Variants in IMPG1 observed in about 807,000 individuals in gnomAD.
IMPG1 encodes the protein interphotoreceptor matrix proteoglycan 1.
A neutral mutation model predicts 92.0 loss-of-function variants in IMPG1; 85 were observed. The observed-to-expected ratio is 0.92, with a 90% CI of 0.78 to 1.11. IMPG1 has a LOEUF of 1.11. Ranked by LOEUF, IMPG1 falls within the 50% of genes least tolerant of loss-of-function variation. The pLI, the probability that IMPG1 is intolerant of heterozygous loss-of-function variation, is 0.00. For missense variants in IMPG1, 1,022 were observed against 956.0 expected (o/e 1.07, Z -0.91); for synonymous variants, 367 against 334.1 (o/e 1.10, Z -1.08).
intron 14 of IMPG1, among the ~76,000 whole-genome samples, chr6:75,945,946 G>A (rs1781921110): frequency 6.6e-6 from 1 of 152,198 alleles, no homozygotes; most frequent in Non-Finnish European, 1.5e-5. Context: ...GGGTCCCTAA[G>A]TAAGCTGTCA....
rs150509687 is a variant in IMPG1, at chr6:76,025,098, A to G, written c.562+96T>C. 86 of 770,786 alleles carry G rather than the reference A, an allele frequency of 1.1e-4. No homozygotes were observed. The African/African-American group carries it at 1.4e-3, about 12-fold the overall frequency. The allele number at this position is 770,786 out of a possible 1,614,324, so 47.7% of individuals were successfully genotyped here. On this transcript the variant is annotated intron_variant, in intron 5 of 16. Coordinates refer to ENST00000369950, the MANE Select transcript of IMPG1 (RefSeq NM_001563.4). ...GCTAGTTTTGAGAAAGTACATTATA[A>G]ACATTATCTTTAATTAGGAATTGTT...
chr6:75,967,877 G>A (rs1782334615), intron 12 of IMPG1, among the ~76,000 whole-genome samples: 1 of 152,194 alleles, frequency 6.6e-6, no homozygotes, highest in Non-Finnish European at 1.5e-5. Context: ...GGAAGTTACA[G>A]GCAATAAGTA....
At chr6:75,954,538 C>T (rs545066572) in intron 12 of IMPG1, among the ~76,000 whole-genome samples, 76 of 152,084 alleles carry the variant, frequency 5.0e-4, no homozygotes, top group Non-Finnish European at 8.8e-4. Context: ...GATAGATTGC[C>T]AAAATTTTTT....
chr6:75,935,430 G>A (rs977194881), intron 14 of IMPG1, among the ~76,000 whole-genome samples: 1 of 152,248 alleles, frequency 6.6e-6, no homozygotes, highest in African/African-American at 2.4e-5. Context: ...GCGTGACAAA[G>A]CTTCACGCCT....
In IMPG1 at chr6:75,950,679, C is replaced by T; in HGVS notation, c.1707G>A (p.Lys569=). The T allele has an allele frequency of 6.2e-7, 1 of 1,613,878 alleles. No homozygotes were observed. The change falls in exon 13 of 17, where the codon AAG becomes AAA. Residue 569 remains lysine, a synonymous_variant. Transcript: ENST00000369950. ...ITTSSMTIAP[K]GRELVVFFSL... Reference sequence around the variant, plus strand: ...TGAAGAACACTACCAGCTCTCGGCCCTTGGGGGCAATGGTCATAGAACTAG... The same window carrying T: ...TGAAGAACACTACCAGCTCTCGGCCTTTGGGGGCAATGGTCATAGAACTAG...
rs1278488150 is a variant in IMPG1 at position 76,069,378 on chromosome 6, CTTAA to C, written c.67+3040_67+3043del. Among the ~76,000 whole-genome samples, 4 of 151,962 alleles carry C rather than the reference CTTAA, an allele frequency of 2.6e-5. No homozygotes were observed. In the East Asian group the frequency reaches 7.7e-4, roughly 29 times the overall value. On this transcript the variant is annotated intron_variant, in intron 1 of 16. Transcript: ENST00000369950. ...CAAAACCAAAAACAGACAAATGGGA[CTTAA>C]TTAAAGTAAAATGCCTGTGCACAGT...
intron 12 of IMPG1, among the ~76,000 whole-genome samples, chr6:75,952,279 T>G (rs1782046321): frequency 6.6e-6 from 1 of 152,166 alleles, no homozygotes; most frequent in Admixed American, 6.5e-5. Flanking sequence ...GCAGGAAAGC[T>G]CTGTTGAAAT....
intron 1 of IMPG1, among the ~76,000 whole-genome samples, chr6:76,044,513 G>T (rs1783901564): frequency 6.6e-6 from 1 of 152,094 alleles, no homozygotes; most frequent in Non-Finnish European, 1.5e-5. Flanking sequence ...CACAGTCTTT[G>T]TTCCTTTGGG....
chr6:75,958,594 AT>A (rs1458024218), intron 12 of IMPG1, among the ~76,000 whole-genome samples: 11 of 148,566 alleles, frequency 7.4e-5, no homozygotes, highest in East Asian at 2.0e-4. Context: ...GTTCCTTTTC[AT>A]TTTTTTTTCT....
At chr6:75,957,372 G>T (rs1782145294) in intron 12 of IMPG1, among the ~76,000 whole-genome samples, 1 of 152,224 alleles carries the variant, frequency 6.6e-6, no homozygotes, top group South Asian at 2.1e-4. Flanking sequence ...GTGCTGAGAA[G>T]AATGTATATT....
chr6:75,977,612 C>A lies in IMPG1; in HGVS notation c.1291+25306G>T, dbSNP rs71561450. Among the ~76,000 whole-genome samples, 991 of 150,446 alleles carry A rather than the reference C, an allele frequency of 6.6e-3. 11 individuals carry two copies. The highest frequency in any genetic ancestry group is 5.3e-3 in the Non-Finnish European group (360 of 67,524). The stretch of plus-strand genomic sequence containing the variant: ...CAAAAAAAAAAAAAACAAAAAAAAA[C>A]CCCCAAAAAACAAGCATACATTTTA... On this transcript the variant is annotated intron_variant, in intron 12 of 16. Transcript: ENST00000369950.
At chr6:75,980,285 A>G (rs1782605932) in intron 12 of IMPG1, among the ~76,000 whole-genome samples, 1 of 152,252 alleles carries the variant, frequency 6.6e-6, no homozygotes, top group South Asian at 2.1e-4. Context: ...AAAGACTTAA[A>G]CATGAGGTTT....
rs1233497467 is a variant in IMPG1, at chr6:75,924,539, TATATA to T, written c.2244-838_2244-834del. On this transcript the variant is annotated intron_variant, in intron 15 of 16. Coordinates refer to ENST00000369950, the MANE Select transcript of IMPG1 (RefSeq NM_001563.4). Reference sequence around the variant, plus strand: ...ATATAATTATATATTATAATATAATTATATAATATAATTAATATAATTATATATTA... The same window carrying T: ...ATATAATTATATATTATAATATAATTATATAATTAATATAATTATATATTA... Among the ~76,000 whole-genome samples, 23 of 48,220 alleles carry T rather than the reference TATATA, an allele frequency of 4.8e-4. 1 individual carries two copies. The highest frequency in any genetic ancestry group is 1.7e-3 in the African/African-American group (22 of 12,914). 31.6% of individuals were successfully genotyped at this position (48,220 alleles called of 152,430 possible).
At position 76,002,253 on chromosome 6, in the gene IMPG1, G is replaced by C. The variant is rs1783005540; in HGVS notation, c.1291+665C>G. ...TTTTTTGCACTAAAAAAGGCTCTCT[G>C]CAAGATTTTTAGTTGTTTTCTTCCC... On this transcript the variant is annotated intron_variant, in intron 12 of 16. Coordinates refer to ENST00000369950, the MANE Select transcript of IMPG1 (RefSeq NM_001563.4). Among the ~76,000 whole-genome samples, 3 of 152,100 alleles carry C rather than the reference G, an allele frequency of 2.0e-5. No individual in the cohort carries two copies. The South Asian group carries it at 6.2e-4, about 32-fold the overall frequency.
In IMPG1 at chr6:76,011,185, T is replaced by A; in HGVS notation, c.847A>T (p.Ile283Phe). The A allele has an allele frequency of 6.5e-7, 1 of 1,534,552 alleles. No individual in the cohort carries two copies. Among genetic ancestry groups the A allele is most frequent in the South Asian group, 1.1e-5 (1 of 88,400 alleles). Residue 283 changes from isoleucine to phenylalanine, a missense_variant, in exon 8 of 17, where the codon ATC (isoleucine) becomes TTC (phenylalanine). This residue lies in a region of IMPG1 where 681 missense variants were observed against 583.6 expected (regional missense o/e 1.17). Coordinates refer to ENST00000369950, the MANE Select transcript of IMPG1 (RefSeq NM_001563.4). ...IFKKLPGFKK[I>F]HVLGFRPKKE... ...ACTTACCTAAATCCTAACACATGGA[T>A]TTTTTTGAATCCTGGAAGTTTCTTA...
chr6:76,030,634 A>G (rs887524964), intron 4 of IMPG1, among the ~76,000 whole-genome samples: 3 of 152,162 alleles, frequency 2.0e-5, no homozygotes, highest in Non-Finnish European at 1.5e-5. Context: ...CATGCTGGCA[A>G]AAAGGGCCAT....
chr6:75,940,745 A>G (rs1368695678), intron 14 of IMPG1, among the ~76,000 whole-genome samples: 1 of 145,982 alleles, frequency 6.9e-6, no homozygotes, highest in Non-Finnish European at 1.6e-5. Context: ...CTTCCTTCCA[A>G]TCTGAGCTAT....
intron 5 of IMPG1, among the ~76,000 whole-genome samples, chr6:76,023,961 G>A (rs557224247): frequency 7.3e-4 from 111 of 152,138 alleles, no homozygotes; most frequent in Admixed American, 1.8e-3. Flanking sequence ...ATGTTTATAT[G>A]CTCCTCCTCT....
chr6:75,971,190 C>A (rs893281667), intron 12 of IMPG1, among the ~76,000 whole-genome samples: 1 of 151,954 alleles, frequency 6.6e-6, no homozygotes, highest in Non-Finnish European at 1.5e-5. Context: ...AAGCTGGAAA[C>A]CATCATTCTC....
Sources: gnomAD v4.1 joint callset for allele counts (sites outside exome capture counted in the v4.1 genomes callset) on GRCh38, gnomAD v4.1.1 for gene constraint, gnomAD v4.1.1 regional missense constraint, MANE v1.5 for transcripts, NCBI Gene and HGNC (gene_info 2026-07-23, HGNC 2026-07-21) for gene names.